The following MOV10 variants were observed in gnomAD, a reference collection of about 807,000 sequenced individuals.
MOV10 encodes RNA helicase MOV-10.
A neutral mutation model predicts 108.4 loss-of-function variants in MOV10; 39 were observed. The observed-to-expected ratio is 0.36, with a 90% CI of 0.28 to 0.47. MOV10 has a LOEUF of 0.47. MOV10 is among the 20% of genes least tolerant of loss of function. The pLI, the probability that MOV10 is intolerant of heterozygous loss-of-function variation, is 1.00. For synonymous variants in MOV10, 490 were observed against 523.1 expected (o/e 0.94, Z 0.86); for missense variants, 952 against 1,297.6 (o/e 0.73, Z 4.09).
Position 112,690,037 on chromosome 1 carries a change from ACC to A in MOV10, c.777_778del (p.Arg260AspfsTer18). The A allele has an allele frequency of 1.2e-6, 2 of 1,614,012 alleles. No individual in the cohort carries two copies. The highest frequency in any genetic ancestry group is 1.7e-6 in the Non-Finnish European group (2 of 1,180,030). ...GAAGCCCATGACTCCCTTCAAGCGG[ACC>A]CGGATCACCGGAAACCCTGTGGTGA... ...QLKPMTPFKRTRITGNPVVTN... is the reference protein window; with the variant it reads ...QLKPMTPFKRXRITGNPVVTN... On this transcript the variant is annotated frameshift_variant, in exon 5 of 21. Transcript: ENST00000369645. LOFTEE classifies it high-confidence loss of function.
Position 112,694,756 on chromosome 1 carries a change from G to A in MOV10, c.1480G>A (p.Asp494Asn), listed in dbSNP as rs1557767021. 3.7e-6 allele frequency: 6 copies of A among 1,614,038 alleles called. No individual in the cohort carries two copies. The highest frequency in any genetic ancestry group is 1.1e-5 in the South Asian group (1 of 91,058). The part of the protein sequence containing the change: ...LPSDVKLKLY[D>N]RSLESNPEQL... ...TCCTGGTCCCTCTGCCAGGCTGTAC[G>A]ACCGGAGTCTGGAGTCAAACCCAGA... Residue 494 changes from aspartate to asparagine, a missense_variant, in exon 10 of 21, where the codon GAC (aspartate) becomes AAC (asparagine). Transcript: ENST00000369645. The surrounding 1 kb of genome is among the most constrained non-coding windows in gnomAD (Gnocchi z 4.1).
rs774131643 is a variant in MOV10, at chr1:112,698,419, A to G, written c.2449A>G (p.Lys817Glu). ...GCTGCTCCTGGCCCCCTCCTCCAAG[A>G]AGGGCAAAGCTCGCCTGAGCCCTCG... is the stretch of plus-strand genomic sequence containing the variant. Reference protein sequence around the residue: ...LKLLLAPSSKKGKARLSPRSV... With the variant: ...LKLLLAPSSKEGKARLSPRSV... The change falls in exon 16 of 21, where the codon AAG becomes GAG. Residue 817 changes from lysine (K) to glutamate (E), a missense_variant. Physicochemically the swap from Lys to Glu is moderately conservative, Grantham distance 56. Around this residue, in one of 5 missense-constraint regions of MOV10, gnomAD observed 453 missense variants for 611.5 expected, o/e 0.74. Coordinates refer to ENST00000369645, the MANE Select transcript of MOV10 (RefSeq NM_001321324.2). 6.8e-6 allele frequency: 11 copies of G among 1,614,142 alleles called. No homozygotes were observed. The highest frequency in any genetic ancestry group is 9.3e-6 in the Non-Finnish European group (11 of 1,180,008).
At chr1:112,695,214 T>G (rs1673960984) in intron 10 of MOV10, among the ~76,000 whole-genome samples, 1 of 152,108 alleles carries the variant, frequency 6.6e-6, no homozygotes. Context: ...AGTGAGACTC[T>G]GTCTCAAAAA....
rs775195870 is a variant in MOV10 at position 112,694,463 on chromosome 1, C to G, written c.1306C>G (p.Arg436Gly). Reference protein sequence around the residue: ...KLSFSMSLLSRFVDGLTFKVN... With the variant: ...KLSFSMSLLSGFVDGLTFKVN... ...TCTCTCTGCCCAAAGCCTCCTGAGC[C>G]GCTTTGTGGATGGGCTGACCTTCAA... The change falls in exon 9 of 21, where the codon CGC becomes GGC. Residue 436 changes from arginine (R) to glycine (G), a missense_variant. Transcript: ENST00000369645. The surrounding 1 kb of genome is among the most constrained non-coding windows in gnomAD (Gnocchi z 4.1). 1 of 1,614,038 alleles carries G rather than the reference C, an allele frequency of 6.2e-7. No homozygotes were observed. The highest frequency in any genetic ancestry group is 1.3e-5 in the African/African-American group (1 of 75,034).
intron 11 of MOV10, 45 bp downstream of exon 11, chr1:112,695,619 A>C (rs762881991): frequency 6.3e-7 from 1 of 1,592,196 alleles, no homozygotes; most frequent in Admixed American, 1.7e-5. Context: ...AATGCCGGGG[A>C]GGCTCTCAGG....
chr1:112,679,780 A>C (rs1672482323), intron 2 of MOV10, among the ~76,000 whole-genome samples: 1 of 152,130 alleles, frequency 6.6e-6, no homozygotes. Context: ...TTTGTAATCA[A>C]ATTGTCAAAA....
rs1673841028 is a variant in MOV10 at position 112,694,094 on chromosome 1, A to G, written c.1217A>G (p.His406Arg). 1.2e-6 allele frequency: 2 copies of G among 1,613,976 alleles called. No homozygotes were observed. The highest frequency in any genetic ancestry group is 1.7e-6 in the Non-Finnish European group (2 of 1,179,948). Residue 406 changes from histidine (H) to arginine (R), a missense_variant, in exon 8 of 21, where the codon CAC becomes CGC. His to Arg is a conservative substitution (Grantham distance 29, BLOSUM62 0). Around this residue, in one of 5 missense-constraint regions of MOV10, gnomAD observed 453 missense variants for 611.5 expected, o/e 0.74. Transcript: ENST00000369645. This position sits in a 1 kb window ranked among gnomAD's most constrained non-coding sequence, Gnocchi z 4.1. ...HLFALLSSETHQEDPITYKGF... is the reference protein window; with the variant it reads ...HLFALLSSETRQEDPITYKGF... ...TTTGCCCTTTTGTCCTCGGAGACAC[A>G]CCAGGAGGACCCCATCACATATAAG...
At position 112,700,530 on chromosome 1, in the gene MOV10, G is replaced by C. The variant is rs771446115; in HGVS notation, c.*23G>C. 6.2e-7 allele frequency: 1 copy of C among 1,608,844 alleles called. No individual in the cohort carries two copies. Among genetic ancestry groups the C allele is most frequent in the African/African-American group, 1.3e-5 (1 of 74,908 alleles). ...TGAAGACACAGCACCCAGCCTTCTC[G>C]CACCAGCCAAGCCTTAACTGCCTGC... On this transcript the variant is annotated 3_prime_UTR_variant, in exon 21 of 21. Coordinates refer to ENST00000369645, the MANE Select transcript of MOV10 (RefSeq NM_001321324.2).
rs764474087 is a variant in MOV10, at chr1:112,699,998, C to T, written c.2798+16C>T. 4 of 1,613,896 alleles carry T rather than the reference C, an allele frequency of 2.5e-6. No individual in the cohort carries two copies. The highest frequency in any genetic ancestry group is 3.4e-6 in the Non-Finnish European group (4 of 1,179,798). On this transcript the variant is annotated intron_variant, in intron 19 of 20. Transcript: ENST00000369645. ...ACTGGAAAGTGTGAGCATTCCCACC[C>T]CATTCTCCCTCTTAGTGGCCACAGC...
chr1:112,688,991 A>G lies in MOV10; in HGVS notation c.194A>G (p.Asn65Ser), dbSNP rs1260418243. The stretch of plus-strand genomic sequence containing the variant: ...ATGCTGTATGGAATGAAGATTGCAA[A>G]TCTGGCCTACGTCACCAAGACTCGG... ...SSMLYGMKIA[N>S]LAYVTKTRVR... Residue 65 changes from asparagine to serine, a missense_variant, in exon 3 of 21, where the codon AAT becomes AGT. This residue lies in a region of MOV10 where 374 missense variants were observed against 468.6 expected (regional missense o/e 0.80). Coordinates refer to ENST00000369645, the MANE Select transcript of MOV10 (RefSeq NM_001321324.2). 1.2e-6 allele frequency: 2 copies of G among 1,612,464 alleles called. No homozygotes were observed. Among genetic ancestry groups the G allele is most frequent in the Non-Finnish European group, 1.7e-6 (2 of 1,180,020 alleles).
Position 112,696,416 on chromosome 1 carries a change from G to C in MOV10, c.1884-21G>C, listed in dbSNP as rs1189040512. ...AGTTGGGTGCCTGGATATGACCCCT[G>C]CCTGGCCTGACACCTCCCAGGTTGG... On this transcript the variant is annotated intron_variant, in intron 12 of 20. Transcript: ENST00000369645. 3.1e-6 allele frequency: 5 copies of C among 1,591,704 alleles called. No homozygotes were observed. The Admixed American group carries it at 6.7e-5, about 21-fold the overall frequency.
chr1:112,699,051 T>A (rs955065913), intron 17 of MOV10: 6 of 472,136 alleles, frequency 1.3e-5, no homozygotes, highest in African/African-American at 9.9e-5. Flanking sequence ...GCCCTAAGGA[T>A]AAAGTCCAAA....
intron 10 of MOV10, 118 bp downstream of exon 10, chr1:112,695,014 G>A: frequency 7.8e-7 from 1 of 1,280,216 alleles, no homozygotes; most frequent in Non-Finnish European, 1.1e-6. Context: ...GCAGCCATCA[G>A]AAAGAGAGGT....
rs1672111613 is a variant in MOV10 at position 112,675,371 on chromosome 1, G to A, written c.137+322G>A. 6.6e-6 allele frequency among the ~76,000 whole-genome samples: 1 copy of A among 152,168 alleles called. No homozygotes were observed. The highest frequency in any genetic ancestry group is 2.4e-5 in the African/African-American group (1 of 41,458). ...CGTCCATGCGCCGCTCGCGGGGGCT[G>A]AGGGACAGCGCTCGCGGTGGGGGAG... On this transcript the variant is annotated intron_variant, in intron 2 of 20. Transcript: ENST00000369645. This position sits in a 1 kb window ranked among gnomAD's most constrained non-coding sequence, Gnocchi z 4.7.
At chr1:112,680,726 T>TA (rs35450442) in intron 2 of MOV10, among the ~76,000 whole-genome samples, 13 of 144,028 alleles carry the variant, frequency 9.0e-5, no homozygotes, top group African/African-American at 2.1e-4. Flanking sequence ...TTTTTTTTTT[T>TA]AAATCTCTCT....
intron 17 of MOV10, chr1:112,699,238 G>A: frequency 4.4e-6 from 1 of 225,828 alleles, no homozygotes; most frequent in Non-Finnish European, 8.7e-6. Flanking sequence ...CAGGGCACTG[G>A]TAGTTTTTAC....
At chr1:112,695,256 G>C (rs901862546) in intron 10 of MOV10, among the ~76,000 whole-genome samples, 160 bp from the exon 11 acceptor site, 3 of 152,196 alleles carry the variant, frequency 2.0e-5, no homozygotes, top group African/African-American at 7.2e-5. Context: ...TGGGAAGTTA[G>C]GGTAAATGTG....
Position 112,696,164 on chromosome 1 carries a change from A to G in MOV10, c.1796A>G (p.Asp599Gly). Reference protein sequence around the residue: ...PEDIKPCCNWDAKKGEYVFPA... With the variant: ...PEDIKPCCNWGAKKGEYVFPA... ...AATCCACAGCCCTGCTGCAACTGGG[A>G]CGCAAAGAAGGGGGAGTATGTATTT... The change falls in exon 12 of 21, where the codon GAC becomes GGC. Residue 599 changes from aspartate (D) to glycine (G), a missense_variant. By Grantham distance (94) the Asp-to-Gly change is moderately conservative. Transcript: ENST00000369645. The G allele has an allele frequency of 6.2e-7, 1 of 1,613,322 alleles. No homozygotes were observed.
Position 112,694,759 on chromosome 1 carries a change from C to T in MOV10, c.1483C>T (p.Arg495Trp), listed in dbSNP as rs770157691. 25 of 1,613,892 alleles carry T rather than the reference C, an allele frequency of 1.5e-5. No homozygotes were observed. The East Asian group carries it at 4.2e-4, about 27-fold the overall frequency. Residue 495 changes from arginine (R) to tryptophan (W), a missense_variant, in exon 10 of 21, where the codon CGG (arginine) becomes TGG (tryptophan). Physicochemically the swap from Arg to Trp is moderately radical, Grantham distance 101. This residue lies in a region of MOV10 where 453 missense variants were observed against 611.5 expected (regional missense o/e 0.74). Transcript: ENST00000369645. The surrounding 1 kb of genome is among the most constrained non-coding windows in gnomAD (Gnocchi z 4.1). ...TGGTCCCTCTGCCAGGCTGTACGAC[C>T]GGAGTCTGGAGTCAAACCCAGAGCA... ...PSDVKLKLYD[R>W]SLESNPEQLQ...
Sources: allele counts gnomAD v4.1 joint callset (sites outside exome capture counted in the v4.1 genomes callset), GRCh38; gene constraint gnomAD v4.1.1; regional missense constraint gnomAD v4.1.1; non-coding constraint Gnocchi (gnomAD v3.1); transcripts MANE v1.5; gene names NCBI Gene and HGNC (gene_info 2026-07-23, HGNC 2026-07-21).